Variants in BTBD9 observed in about 807,000 individuals in gnomAD.
BTBD9 encodes the protein BTB domain containing 9, also known as BTB/POZ domain-containing protein 9.
A neutral mutation model predicts 64.3 loss-of-function variants in BTBD9; 49 were observed. The observed-to-expected ratio is 0.76, with a 90% CI of 0.61 to 0.97. The LOEUF (loss-of-function observed/expected upper bound fraction) is 0.97. Ranked by LOEUF, BTBD9 falls within the 50% of genes least tolerant of loss-of-function variation. The pLI is 0.00. For synonymous variants in BTBD9, 260 were observed against 274.7 expected (o/e 0.95, Z 0.53); for missense variants, 598 against 762.1 (o/e 0.78, Z 2.53).
At chr6:38,222,347 G>A (rs1763235436) in intron 9 of BTBD9, among the ~76,000 whole-genome samples, 1 of 130,800 alleles carries the variant, frequency 7.6e-6, no homozygotes, top group Non-Finnish European at 1.5e-5. Flanking sequence ...TGCAAGCTCT[G>A]CCTCCCGGGT....
chr6:38,194,319 C>T (rs1207076444), intron 9 of BTBD9, among the ~76,000 whole-genome samples: 1 of 152,196 alleles, frequency 6.6e-6, no homozygotes, highest in Non-Finnish European at 1.5e-5. Flanking sequence ...AGAGTCCCAT[C>T]CCTGTCCCTA....
chr6:38,192,531 G>T lies in BTBD9; in HGVS notation c.1629C>A (p.Asn543Lys). 1 of 1,613,820 alleles carries T rather than the reference G, an allele frequency of 6.2e-7. No individual in the cohort carries two copies. Among genetic ancestry groups the T allele is most frequent in the Non-Finnish European group, 8.5e-7 (1 of 1,179,828 alleles). Reference sequence around the variant, plus strand: ...AAGAGACCCTTACCTCATTTGCTGTGTTGTGTGTCCCAACGATACGGATGA... The same window carrying T: ...AAGAGACCCTTACCTCATTTGCTGTTTTGTGTGTCCCAACGATACGGATGA... ...ASFIRIVGTH[N>K]TANEVFHCVH... The change falls in exon 10 of 11, where the codon AAC becomes AAA. Residue 543 changes from asparagine to lysine, a missense_variant. By Grantham distance (94) the Asn-to-Lys change is moderately conservative. Coordinates refer to ENST00000481247, the MANE Select transcript of BTBD9 (RefSeq NM_001099272.2).
intron 4 of BTBD9, among the ~76,000 whole-genome samples, chr6:38,580,686 A>C (rs946101965): frequency 6.6e-6 from 1 of 151,854 alleles, no homozygotes; most frequent in Non-Finnish European, 1.5e-5. Flanking sequence ...ACTTGAGCCC[A>C]GGAGTTTGAG....
At chr6:38,547,799 G>A (rs1205611937) in intron 6 of BTBD9, among the ~76,000 whole-genome samples, 1 of 152,126 alleles carries the variant, frequency 6.6e-6, no homozygotes, top group Non-Finnish European at 1.5e-5. Flanking sequence ...TATGATAAGT[G>A]AAATGGTAGA....
chr6:38,455,163 T>A (rs1209905516), intron 6 of BTBD9, among the ~76,000 whole-genome samples: 1 of 152,192 alleles, frequency 6.6e-6, no homozygotes, highest in African/African-American at 2.4e-5. Context: ...AAAGTCCCCC[T>A]TTTGGTGTAC....
chr6:38,384,464 T>C (rs191879136), intron 6 of BTBD9, among the ~76,000 whole-genome samples: 5 of 152,318 alleles, frequency 3.3e-5, no homozygotes, highest in African/African-American at 1.2e-4. Flanking sequence ...ATGGTTCTTT[T>C]GGATATGCAA....
chr6:38,596,440 G>C (rs1034211624), intron 2 of BTBD9, among the ~76,000 whole-genome samples: 1 of 151,976 alleles, frequency 6.6e-6, no homozygotes, highest in African/African-American at 2.4e-5. Context: ...AATTATTTTT[G>C]AAAGAGGACA....
intron 6 of BTBD9, among the ~76,000 whole-genome samples, chr6:38,454,734 C>T (rs1290109283): frequency 6.6e-6 from 1 of 150,896 alleles, no homozygotes; most frequent in Non-Finnish European, 1.5e-5. Flanking sequence ...GGGCTTGAGG[C>T]TGCAGTGAGC....
At chr6:38,503,553 C>T (rs1772312907) in intron 6 of BTBD9, among the ~76,000 whole-genome samples, 1 of 152,018 alleles carries the variant, frequency 6.6e-6, no homozygotes. Context: ...GGCAGCTGTC[C>T]TTGTTCCCCC....
chr6:38,520,865 T>C (rs1465609723), intron 6 of BTBD9, among the ~76,000 whole-genome samples: 1 of 152,116 alleles, frequency 6.6e-6, no homozygotes, highest in Non-Finnish European at 1.5e-5. Flanking sequence ...GAGAATTGCT[T>C]GAGCTCAGTA....
intron 10 of BTBD9, among the ~76,000 whole-genome samples, chr6:38,180,636 C>T (rs1761512975): frequency 6.6e-6 from 1 of 152,222 alleles, no homozygotes. Context: ...TTGGAAAGGA[C>T]GTGACCAAAT....
intron 7 of BTBD9, among the ~76,000 whole-genome samples, chr6:38,328,389 C>A (rs1285285925): frequency 6.6e-6 from 1 of 151,984 alleles, no homozygotes; most frequent in African/African-American, 2.4e-5. Flanking sequence ...GGAAGAAACA[C>A]CACAGGCCAC....
chr6:38,478,710 G>C (rs1348696176), intron 6 of BTBD9, among the ~76,000 whole-genome samples: 1 of 152,192 alleles, frequency 6.6e-6, no homozygotes, highest in Admixed American at 6.5e-5. Context: ...TATTTCAGAA[G>C]CTACAGGGAA....
chr6:38,452,138 T>C (rs1173154888), intron 6 of BTBD9, among the ~76,000 whole-genome samples: 2 of 152,112 alleles, frequency 1.3e-5, no homozygotes, highest in Admixed American at 1.3e-4. Context: ...TATCATTAAT[T>C]GATGTCACTA....
rs1561877327 is a variant in BTBD9 at position 38,210,576 on chromosome 6, GTC to G, written c.1563-17981_1563-17980del. Among the ~76,000 whole-genome samples, 176 of 139,622 alleles carry G rather than the reference GTC, an allele frequency of 1.3e-3. 2 individuals carry two copies. In the East Asian group the frequency reaches 0.029, roughly 23 times the overall value. The allele number at this position is 139,622 out of a possible 152,430, so 91.6% of individuals were successfully genotyped here. A position where few individuals can be genotyped will look rare whatever the true frequency, so the allele number is the denominator to read the frequency against. Reference sequence around the variant, plus strand: ...TGTGTGTGTGTGTGTGTGTGTGTGTGTCTGCATCTGGGCAAGAGTTTTTGTGT... The same window carrying G: ...TGTGTGTGTGTGTGTGTGTGTGTGTGTGCATCTGGGCAAGAGTTTTTGTGT... On this transcript the variant is annotated intron_variant, in intron 9 of 10. Transcript: ENST00000481247.
At chr6:38,394,744 AG>A (rs756486244) in intron 6 of BTBD9, among the ~76,000 whole-genome samples, 16 of 152,088 alleles carry the variant, frequency 1.1e-4, no homozygotes, top group Non-Finnish European at 2.2e-4. Context: ...ACCATGCTGT[AG>A]GGACACTCAA....
Position 38,344,532 on chromosome 6 carries a change from C to G in BTBD9, c.1264+452G>C, listed in dbSNP as rs1195494637. On this transcript the variant is annotated intron_variant, in intron 7 of 10. Coordinates refer to ENST00000481247, the MANE Select transcript of BTBD9 (RefSeq NM_001099272.2). ...AGGCTACTTCGGGCAAACATGAATT[C>G]ATATATCCATGAAAAGAAGATACCT... is the stretch of plus-strand genomic sequence containing the variant. Among the ~76,000 whole-genome samples, 5 of 152,082 alleles carry G rather than the reference C, an allele frequency of 3.3e-5. No individual in the cohort carries two copies. In the East Asian group the frequency reaches 9.6e-4, roughly 29 times the overall value.
chr6:38,448,148 A>G (rs192386720), intron 6 of BTBD9, among the ~76,000 whole-genome samples: 1 of 150,926 alleles, frequency 6.6e-6, no homozygotes, highest in East Asian at 1.9e-4. Context: ...CCCCAGCCAA[A>G]GCCTCTCTTC....
At chr6:38,560,795 A>G (rs915322810) in intron 6 of BTBD9, among the ~76,000 whole-genome samples, 2 of 152,014 alleles carry the variant, frequency 1.3e-5, no homozygotes, top group African/African-American at 4.8e-5. Flanking sequence ...ATGTGTTCTC[A>G]TTATTTAGCT....
Sources: allele counts gnomAD v4.1 joint callset (sites outside exome capture counted in the v4.1 genomes callset), GRCh38; gene constraint gnomAD v4.1.1; transcripts MANE v1.5; gene names NCBI Gene and HGNC (gene_info 2026-07-23, HGNC 2026-07-21).